The following SGCZ variants were observed in gnomAD, a reference collection of about 807,000 sequenced individuals.
SGCZ encodes the protein sarcoglycan zeta, also known as zeta-sarcoglycan.
A neutral mutation model predicts 41.3 loss-of-function variants in SGCZ; 40 were observed. That is an observed-to-expected ratio of 0.97 (90% CI 0.75 to 1.26). The LOEUF is 1.26. SGCZ is among the 50% of genes most tolerant of loss of function. The probability of loss-of-function intolerance (pLI) is 0.00; values close to 1 mark genes in which losing one functional copy is unlikely to be tolerated. For synonymous variants in SGCZ, 206 were observed against 137.5 expected (o/e 1.50, Z -3.49); for missense variants, 552 against 369.8 (o/e 1.49, Z -4.04).
chr8:14,696,615 G>A lies in SGCZ; in HGVS notation c.40-141689C>T, dbSNP rs911386818. On this transcript the variant is annotated intron_variant, in intron 1 of 7. Coordinates refer to ENST00000382080, the MANE Select transcript of SGCZ (RefSeq NM_139167.4). ...TGGCCTTTTATTTTCAACATTTATC[G>A]TTATGACCTTCCATTTATTCAGCCT... 1.3e-3 allele frequency among the ~76,000 whole-genome samples: 191 copies of A among 151,884 alleles called. 5 individuals are homozygous for A. The highest frequency in any genetic ancestry group is 3.8e-3 in the African/African-American group (159 of 41,438).
intron 5 of SGCZ, among the ~76,000 whole-genome samples, chr8:14,149,284 C>T (rs879894755): frequency 1.3e-5 from 2 of 152,056 alleles, no homozygotes; most frequent in African/African-American, 2.4e-5. Flanking sequence ...TAAGAAAAAC[C>T]TCAAGATTCC....
intron 2 of SGCZ, among the ~76,000 whole-genome samples, chr8:14,521,525 A>G (rs1245753259): frequency 6.6e-6 from 1 of 152,104 alleles, no homozygotes; most frequent in African/African-American, 2.4e-5. Flanking sequence ...CACAGTGCCA[A>G]TGTACCCAGT....
intron 2 of SGCZ, among the ~76,000 whole-genome samples, chr8:14,553,883 C>T (rs991836537): frequency 6.6e-6 from 1 of 152,046 alleles, no homozygotes; most frequent in Non-Finnish European, 1.5e-5. Context: ...TAATAGCAGT[C>T]TGGTCAGCAG....
intron 7 of SGCZ, among the ~76,000 whole-genome samples, chr8:14,100,997 C>G (rs770707109): frequency 1.5e-4 from 23 of 151,882 alleles, no homozygotes; most frequent in Non-Finnish European, 2.8e-4. Context: ...TTTACACTGT[C>G]AAGAACTTTC....
intron 1 of SGCZ, among the ~76,000 whole-genome samples, chr8:14,798,855 A>G (rs1362138624): frequency 1.3e-5 from 2 of 152,012 alleles, no homozygotes; most frequent in Admixed American, 1.3e-4. Context: ...GCCACCTGAA[A>G]TGTGTAGTAA....
intron 1 of SGCZ, among the ~76,000 whole-genome samples, chr8:15,097,814 ACGTGTGTGTATATATATATACG>A (rs1189668003): frequency 6.4e-5 from 6 of 94,020 alleles, no homozygotes; most frequent in Non-Finnish European, 1.0e-4. Context: ...ATATATATAT[ACGTGTGTGTATATATATATACG>A]TGTGTGTATA....
At chr8:14,717,980 G>A (rs1459511740) in intron 1 of SGCZ, among the ~76,000 whole-genome samples, 2 of 115,572 alleles carry the variant, frequency 1.7e-5, no homozygotes, top group Admixed American at 9.0e-5. Flanking sequence ...CTGGATAAAT[G>A]TAAATTCTAA....
intron 4 of SGCZ, among the ~76,000 whole-genome samples, chr8:14,173,171 T>A (rs1490420314): frequency 8.6e-5 from 6 of 69,810 alleles, no homozygotes; most frequent in African/African-American, 1.8e-4. Context: ...CTTTGAGAGT[T>A]TTTTTTTTAA....
intron 1 of SGCZ, among the ~76,000 whole-genome samples, chr8:14,964,506 G>T (rs1324511220): frequency 6.6e-6 from 1 of 152,148 alleles, no homozygotes; most frequent in African/African-American, 2.4e-5. Context: ...TTGCATGCAG[G>T]AATTTCATTA....
chr8:14,446,602 C>G (rs1800438699), intron 2 of SGCZ, among the ~76,000 whole-genome samples: 1 of 152,142 alleles, frequency 6.6e-6, no homozygotes, highest in African/African-American at 2.4e-5. Context: ...AAATGCTTAA[C>G]TTTTCTCCTT....
chr8:14,398,868 T>A, intron 2 of SGCZ, among the ~76,000 whole-genome samples: 1 of 152,158 alleles, frequency 6.6e-6, no homozygotes, highest in Non-Finnish European at 1.5e-5. Context: ...GAGTGAGACA[T>A]GGCTGCTGTT....
In SGCZ at chr8:14,508,304, C is replaced by T. The variant is rs146405732; in HGVS notation, c.234+46428G>A. ...ACAGTGTCTGGCACATATGAGGACCCCAAAATACATTTGTTGAATGAATGA... is the reference window on the plus strand; with the variant it reads ...ACAGTGTCTGGCACATATGAGGACCTCAAAATACATTTGTTGAATGAATGA... On this transcript the variant is annotated intron_variant, in intron 2 of 7. Transcript: ENST00000382080. 1.1e-4 allele frequency among the ~76,000 whole-genome samples: 17 copies of T among 152,028 alleles called. 1 individual carries two copies. The highest frequency in any genetic ancestry group is 4.1e-4 in the African/African-American group (17 of 41,464).
rs534424267 is a variant in SGCZ at position 14,314,686 on chromosome 8, G to T, written c.336+9417C>A. The stretch of plus-strand genomic sequence containing the variant: ...TTTTCATCAGTGGGTACATGGGTTG[G>T]TTCAAGGGCATATCTGAGCCACACA... On this transcript the variant is annotated intron_variant, in intron 3 of 7. Coordinates refer to ENST00000382080, the MANE Select transcript of SGCZ (RefSeq NM_139167.4). Among the ~76,000 whole-genome samples the T allele has an allele frequency of 2.0e-5, 3 of 152,166 alleles. No individual in the cohort carries two copies. In the South Asian group the frequency reaches 6.2e-4, roughly 32 times the overall value.
intron 4 of SGCZ, among the ~76,000 whole-genome samples, chr8:14,236,386 T>C (rs978373348): frequency 2.6e-5 from 4 of 152,186 alleles, no homozygotes; most frequent in Non-Finnish European, 5.9e-5. Flanking sequence ...CAAATAAAAC[T>C]ATATTTTTAG....
intron 2 of SGCZ, among the ~76,000 whole-genome samples, chr8:14,420,558 C>T (rs2117304248): frequency 6.6e-6 from 1 of 151,988 alleles, no homozygotes; most frequent in South Asian, 2.1e-4. Flanking sequence ...CTCTTTATTC[C>T]TCCTTCAGTT....
chr8:15,031,439 G>C (rs1803659190), intron 1 of SGCZ, among the ~76,000 whole-genome samples: 1 of 152,118 alleles, frequency 6.6e-6, no homozygotes, highest in Non-Finnish European at 1.5e-5. Context: ...CTAAGATCCA[G>C]GGAAACAAAA....
intron 1 of SGCZ, among the ~76,000 whole-genome samples, chr8:14,789,169 T>C (rs1197805104): frequency 6.6e-6 from 1 of 152,092 alleles, no homozygotes; most frequent in African/African-American, 2.4e-5. Context: ...CTATGCACGA[T>C]GCTTGGGGGC....
chr8:14,851,060 G>T (rs1199227385), intron 1 of SGCZ, among the ~76,000 whole-genome samples: 2 of 152,070 alleles, frequency 1.3e-5, no homozygotes, highest in Non-Finnish European at 2.9e-5. Context: ...TCTGCAAGTG[G>T]AAGAAAGCTT....
intron 1 of SGCZ, among the ~76,000 whole-genome samples, chr8:14,828,030 A>C (rs117556293): frequency 6.6e-6 from 1 of 152,216 alleles, no homozygotes; most frequent in African/African-American, 2.4e-5. Context: ...CAGGACCTCA[A>C]CTGAAACACT....
Sources: gnomAD v4.1 joint callset for allele counts (sites outside exome capture counted in the v4.1 genomes callset) on GRCh38, gnomAD v4.1.1 for gene constraint, MANE v1.5 for transcripts, NCBI Gene and HGNC (gene_info 2026-07-23, HGNC 2026-07-21) for gene names.